Variants in ADAMTSL1 observed in about 807,000 individuals in gnomAD.
The protein encoded by ADAMTSL1 is ADAMTS-like protein 1.
In ADAMTSL1, 126 loss-of-function variants were observed where a neutral mutation model predicts 201.8. The observed-to-expected ratio is 0.62, with a 90% CI of 0.54 to 0.72. The LOEUF (loss-of-function observed/expected upper bound fraction) is 0.72. Ranked by LOEUF, ADAMTSL1 falls within the 30% of genes least tolerant of loss-of-function variation. The pLI, the probability that ADAMTSL1 is intolerant of heterozygous loss-of-function variation, is 0.00. For missense variants in ADAMTSL1, 2,679 were observed against 2,277.8 expected (o/e 1.18, Z -3.59); for synonymous variants, 1,121 against 903.4 (o/e 1.24, Z -4.32).
intron 2 of ADAMTSL1, among the ~76,000 whole-genome samples, chr9:18,531,328 T>C (rs1819431436): frequency 6.6e-6 from 1 of 152,192 alleles, no homozygotes; most frequent in Admixed American, 6.5e-5. Flanking sequence ...TGAATAATCA[T>C]CGGTATCAGT....
chr9:18,014,343 C>G (rs937818341), intron 1 of ADAMTSL1, among the ~76,000 whole-genome samples: 1 of 151,956 alleles, frequency 6.6e-6, no homozygotes, highest in Admixed American at 6.6e-5. Context: ...ATAGTCACAT[C>G]GAAGCATAAC....
At chr9:18,097,564 C>T (rs1587040439) in intron 1 of ADAMTSL1, among the ~76,000 whole-genome samples, 1 of 152,302 alleles carries the variant, frequency 6.6e-6, no homozygotes, top group Middle Eastern at 3.4e-3. Context: ...GCTCCACATC[C>T]TTGTTAATAC....
intron 1 of ADAMTSL1, among the ~76,000 whole-genome samples, chr9:17,968,636 A>G (rs1380272024): frequency 6.6e-6 from 1 of 152,034 alleles, no homozygotes; most frequent in Admixed American, 6.6e-5. Context: ...ATCCTCGTTG[A>G]TTGGTGCTAG....
At position 18,279,414 on chromosome 9, in the gene ADAMTSL1, A is replaced by C. The variant is rs534111071; in HGVS notation, c.207+115433A>C. On this transcript the variant is annotated intron_variant, in intron 2 of 29. Coordinates refer to the ADAMTSL1 transcript ENST00000680146. ...CTAAGTTTGTGGATGTCTATTTCTT[A>C]AGGGTCAGTTACTAGTGATTTATTT... 3.8e-4 allele frequency among the ~76,000 whole-genome samples: 58 copies of C among 151,480 alleles called. 1 individual carries two copies. Among genetic ancestry groups the C allele is most frequent in the Admixed American group, 2.9e-3 (44 of 15,198 alleles).
At chr9:18,493,609 C>T (rs1468034526) in intron 1 of ADAMTSL1, among the ~76,000 whole-genome samples, 10 of 152,350 alleles carry the variant, frequency 6.6e-5, no homozygotes, top group Non-Finnish European at 1.5e-4. Flanking sequence ...CAGCTTTACA[C>T]ATTTTGGGTA....
At chr9:18,882,874 C>T (rs1219749100) in intron 23 of ADAMTSL1, among the ~76,000 whole-genome samples, 1 of 151,860 alleles carries the variant, frequency 6.6e-6, no homozygotes, top group African/African-American at 2.4e-5. Context: ...TGCCTGTAAT[C>T]CTAGCTATTT....
At chr9:18,425,828 C>T in intron 2 of ADAMTSL1, among the ~76,000 whole-genome samples, 1 of 131,068 alleles carries the variant, frequency 7.6e-6, no homozygotes, top group South Asian at 2.6e-4. Flanking sequence ...TGCACTCCAG[C>T]TTGGGTAACA....
chr9:18,076,800 A>G (rs1057404482), intron 1 of ADAMTSL1, among the ~76,000 whole-genome samples: 8 of 152,184 alleles, frequency 5.3e-5, no homozygotes, highest in African/African-American at 1.7e-4. Flanking sequence ...ATACATATCA[A>G]TAATGACTTG....
At chr9:18,200,073 G>A (rs1158451955) in intron 2 of ADAMTSL1, among the ~76,000 whole-genome samples, 4 of 151,934 alleles carry the variant, frequency 2.6e-5, no homozygotes, top group Admixed American at 2.6e-4. Flanking sequence ...TGAGAGAGAA[G>A]AGGAACCCAA....
At chr9:18,653,598 A>G (rs1828431706) in intron 7 of ADAMTSL1, among the ~76,000 whole-genome samples, 1 of 139,864 alleles carries the variant, frequency 7.1e-6, no homozygotes, top group African/African-American at 2.7e-5. Flanking sequence ...CAACTTAGTG[A>G]GACCCCATTT....
chr9:18,343,660 G>A (rs1216078357), intron 2 of ADAMTSL1, among the ~76,000 whole-genome samples: 3 of 152,158 alleles, frequency 2.0e-5, no homozygotes, highest in Non-Finnish European at 4.4e-5. Flanking sequence ...AAAGAATGAG[G>A]AGATGAAAAC....
Position 18,586,941 on chromosome 9 carries a change from TAACTC to T in ADAMTSL1, c.474+12678_474+12682del, listed in dbSNP as rs984286202. On this transcript the variant is annotated intron_variant, in intron 4 of 28. Transcript: ENST00000380548. ...CCTTCCTTATATCATAGACAAAAAT[TAACTC>T]AAGTAGATTAAAGACTTAAATGTAA... Among the ~76,000 whole-genome samples the T allele has an allele frequency of 4.3e-4, 65 of 152,010 alleles. 1 individual carries two copies. Among genetic ancestry groups the T allele is most frequent in the African/African-American group, 1.6e-3 (65 of 41,436 alleles).
At chr9:18,705,082 C>T (rs1832155579) in intron 13 of ADAMTSL1, among the ~76,000 whole-genome samples, 1 of 152,206 alleles carries the variant, frequency 6.6e-6, no homozygotes, top group African/African-American at 2.4e-5. Context: ...GCCCAGGACA[C>T]ATCTTTGTTG....
At chr9:18,127,886 G>A (rs1293010037) in intron 1 of ADAMTSL1, among the ~76,000 whole-genome samples, 1 of 152,090 alleles carries the variant, frequency 6.6e-6, no homozygotes, top group Non-Finnish European at 1.5e-5. Flanking sequence ...TCATATGTTT[G>A]TCTCATGTTT....
At chr9:18,630,132 A>C (rs1478040235) in intron 5 of ADAMTSL1, among the ~76,000 whole-genome samples, 2 of 152,168 alleles carry the variant, frequency 1.3e-5, no homozygotes, top group Non-Finnish European at 2.9e-5. Context: ...TACTGAAATC[A>C]GTTTGAACCT....
intron 2 of ADAMTSL1, among the ~76,000 whole-genome samples, chr9:18,441,965 T>G (rs1331949585): frequency 6.6e-6 from 1 of 152,206 alleles, no homozygotes; most frequent in Non-Finnish European, 1.5e-5. Context: ...AAAACCCAAA[T>G]CCACTAAATG....
At chr9:18,457,486 G>A (rs539847983) in intron 2 of ADAMTSL1, among the ~76,000 whole-genome samples, 75 of 152,136 alleles carry the variant, frequency 4.9e-4, no homozygotes, top group South Asian at 1.2e-3. Context: ...CAATGCATGC[G>A]CCACCATGCC....
rs150764129 is a variant in ADAMTSL1 at position 18,562,774 on chromosome 9, A to G, written c.238-11256A>G. Among the ~76,000 whole-genome samples the G allele has an allele frequency of 3.3e-5, 5 of 152,202 alleles. No individual in the cohort carries two copies. The East Asian group carries it at 9.7e-4, about 29-fold the overall frequency. The stretch of plus-strand genomic sequence containing the variant: ...GTTTATTTCATTAAGATGATCTTCA[A>G]TCTTTGATATCCTTTATTCCACTTA... On this transcript the variant is annotated intron_variant, in intron 3 of 28. Coordinates refer to ENST00000380548, the MANE Select transcript of ADAMTSL1 (RefSeq NM_001040272.6).
At chr9:17,980,069 G>C (rs1053534962) in intron 1 of ADAMTSL1, among the ~76,000 whole-genome samples, 1 of 152,094 alleles carries the variant, frequency 6.6e-6, no homozygotes, top group Non-Finnish European at 1.5e-5. Flanking sequence ...CCATGCAGAG[G>C]CCATTTCTCT....
Sources: gnomAD v4.1 joint callset for allele counts (sites outside exome capture counted in the v4.1 genomes callset) on GRCh38, gnomAD v4.1.1 for gene constraint, MANE v1.5 for transcripts, NCBI Gene and HGNC (gene_info 2026-07-23, HGNC 2026-07-21) for gene names.